CDH16: variants seen among roughly 807,000 people sequenced by gnomAD.
CDH16 encodes cadherin 16, also known as cadherin-16.
Under a neutral mutation model 87.6 loss-of-function variants are expected in CDH16, and 79 were observed. The observed-to-expected ratio is 0.90, with a 90% CI of 0.75 to 1.09. The LOEUF is 1.09. CDH16 is among the 50% of genes least tolerant of loss of function. The pLI, the probability that CDH16 is intolerant of heterozygous loss-of-function variation, is 0.00. For missense variants in CDH16, 1,124 were observed against 1,071.7 expected (o/e 1.05, Z -0.68); for synonymous variants, 457 against 439.5 (o/e 1.04, Z -0.50).
At chr16:66,913,653 A>G (rs1325112214) in intron 7 of CDH16, 40 bp from the exon 8 acceptor site, 12 of 1,606,988 alleles carry the variant, frequency 7.5e-6, no homozygotes, top group Non-Finnish European at 1.0e-5. Context: ...GGAACAATCC[A>G]TGTCAGCCTT....
intron 6 of CDH16, among the ~76,000 whole-genome samples, chr16:66,914,695 T>TTGGTTGGATGAATGGG (rs1467300171): frequency 3.3e-5 from 5 of 151,526 alleles, no homozygotes; most frequent in Non-Finnish European, 7.4e-5. Context: ...AGATGATGGG[T>TTGGTTGGATGAATGGG]TGGTTGGATG....
Position 66,908,349 on chromosome 16 carries a change from T to C in CDH16, c.*43A>G. 2.0e-6 allele frequency: 3 copies of C among 1,516,666 alleles called. No individual in the cohort carries two copies. The highest frequency in any genetic ancestry group is 2.7e-6 in the Non-Finnish European group (3 of 1,093,656). 94.0% of individuals were successfully genotyped at this position (1,516,666 alleles called of 1,614,324 possible). A position where few individuals can be genotyped will look rare whatever the true frequency, so the allele number is the denominator to read the frequency against. ...TGGGCTCTCTCCCAGGGGACTCAGA[T>C]GGAGCCAGAGGCCAAGCTCCCAGCT... On this transcript the variant is annotated 3_prime_UTR_variant, in exon 18 of 18. Coordinates refer to ENST00000299752, the MANE Select transcript of CDH16 (RefSeq NM_004062.4).
Position 66,914,290 on chromosome 16 carries a change from T to A in CDH16, c.706A>T (p.Ser236Cys). 6.2e-7 allele frequency: 1 copy of A among 1,614,156 alleles called. No individual in the cohort carries two copies. Among genetic ancestry groups the A allele is most frequent in the Non-Finnish European group, 8.5e-7 (1 of 1,180,028 alleles). The part of the protein sequence containing the change: ...TATVEVSIIE[S>C]TWVSLEPIHL... ...ATAGGCTCTAGGGACACCCAGGTGC[T>A]CTCTATGATGGAGACTTCCACGGTG... Residue 236 changes from serine to cysteine, a missense_variant, in exon 7 of 18, where the codon AGC (serine) becomes TGC (cysteine). Coordinates refer to ENST00000299752, the MANE Select transcript of CDH16 (RefSeq NM_004062.4).
chr16:66,908,680 A>T (rs1596968211), intron 17 of CDH16, among the ~76,000 whole-genome samples, 191 bp from the exon 18 acceptor site: 1 of 151,764 alleles, frequency 6.6e-6, no homozygotes, highest in Non-Finnish European at 1.5e-5. Context: ...CTTGGCCCCT[A>T]CCCCTCTGAG....
Position 66,918,061 on chromosome 16 carries a change from A to T in CDH16, c.5T>A (p.Val2Asp). M[V>D]PAWLWLLCVS... The stretch of plus-strand genomic sequence containing the variant: ...ACAAAGCAGCCACAGCCAGGCAGGG[A>T]CCATGGTCAGGACAGGCCTGAGGGA... The change falls in exon 2 of 18, where the codon GTC becomes GAC. Residue 2 changes from valine (V) to aspartate (D), a missense_variant. Val to Asp is a radical substitution (Grantham distance 152). Transcript: ENST00000299752. 1 of 1,583,826 alleles carries T rather than the reference A, an allele frequency of 6.3e-7. No individual in the cohort carries two copies. The highest frequency in any genetic ancestry group is 8.6e-7 in the Non-Finnish European group (1 of 1,164,724).
chr16:66,913,661 C>T (rs758696529), intron 7 of CDH16, 48 bp from the exon 8 acceptor site: 1 of 1,600,044 alleles, frequency 6.2e-7, no homozygotes, highest in East Asian at 2.2e-5. Flanking sequence ...CCATGTCAGC[C>T]TTTGCGCCCC....
intron 7 of CDH16, among the ~76,000 whole-genome samples, 186 bp downstream of exon 7, chr16:66,914,030 G>A (rs1455440739): frequency 6.6e-6 from 1 of 152,250 alleles, no homozygotes; most frequent in Non-Finnish European, 1.5e-5. Context: ...GGCAGAGCAG[G>A]CGAGGGGCTG....
In CDH16 at chr16:66,910,463, T is replaced by G; in HGVS notation, c.1964A>C (p.His655Pro). ...RLSASAPLVI[H>P]FLKAPPAPAL... ...TGGGGCAGGAGGGGCCTTTAGGAAG[T>G]GGATCACCAGGGGTGCAGAAGCGCT... Residue 655 changes from histidine to proline, a missense_variant, in exon 15 of 18, where the codon CAC (histidine) becomes CCC (proline). By Grantham distance (77) the His-to-Pro change is moderately conservative (BLOSUM62 -2). Coordinates refer to ENST00000299752, the MANE Select transcript of CDH16 (RefSeq NM_004062.4). 1 of 1,566,068 alleles carries G rather than the reference T, an allele frequency of 6.4e-7. No individual in the cohort carries two copies.
chr16:66,915,499 A>G, intron 5 of CDH16, 121 bp from the exon 6 acceptor site: 1 of 1,112,654 alleles, frequency 9.0e-7, no homozygotes, highest in South Asian at 1.7e-5. Flanking sequence ...GACTCCGGAG[A>G]TGAGCCACGG....
chr16:66,915,207 C>T lies in CDH16; in HGVS notation c.583+13G>A, dbSNP rs373758423. On this transcript the variant is annotated intron_variant, in intron 6 of 17. Coordinates refer to ENST00000299752, the MANE Select transcript of CDH16 (RefSeq NM_004062.4). Reference sequence around the variant, plus strand: ...CTGACCCTCCCTCCCCAGCACACCCCGCTCGGGCTTACCCTTGGGGCTGAG... The same window carrying T: ...CTGACCCTCCCTCCCCAGCACACCCTGCTCGGGCTTACCCTTGGGGCTGAG... The T allele has an allele frequency of 2.9e-5, 47 of 1,598,356 alleles. No homozygotes were observed. Among genetic ancestry groups the T allele is most frequent in the Middle Eastern group, 2.0e-4 (1 of 4,904 alleles).
chr16:66,910,345 A>G lies in CDH16; in HGVS notation c.2082T>C (p.Asp694=). 6.2e-7 allele frequency: 1 copy of G among 1,613,802 alleles called. No individual in the cohort carries two copies. The highest frequency in any genetic ancestry group is 1.3e-5 in the African/African-American group (1 of 75,022). ...LIVSGPSKDP[D]LASGHGPYSF... is the part of the protein sequence containing the mutation. ...TGTAGGGACCGTGCCCACTGGCCAG[A>G]TCGGGGTCCTTGCTGGGTCCACTCA... is the stretch of plus-strand genomic sequence containing the variant. The change falls in exon 15 of 18, where the codon GAT becomes GAC. Residue 694 remains aspartate, a synonymous_variant. Coordinates refer to ENST00000299752, the MANE Select transcript of CDH16 (RefSeq NM_004062.4).
At chr16:66,918,172 T>G in intron 1 of CDH16, 94 bp from the exon 2 acceptor site, 1 of 794,312 alleles carries the variant, frequency 1.3e-6, no homozygotes, top group Non-Finnish European at 1.9e-6. Flanking sequence ...TGCAGACTAG[T>G]CTTCTCTTCC....
chr16:66,914,607 C>T (rs528516319), intron 6 of CDH16, among the ~76,000 whole-genome samples, 195 bp from the exon 7 acceptor site: 1 of 152,346 alleles, frequency 6.6e-6, no homozygotes, highest in East Asian at 1.9e-4. Flanking sequence ...AAGCCACCTC[C>T]ATATCTCTCC....
rs1376275849 is a variant in CDH16, at chr16:66,909,044, G to A, written c.2392+223C>T. ...GTTGCTGGGAGGATTCCTGGCAATA[G>A]TCCCTGCCACACAGTCAATGTGCAA... On this transcript the variant is annotated intron_variant, in intron 17 of 17. Transcript: ENST00000299752. This position sits in a 1 kb window ranked among gnomAD's most constrained non-coding sequence, Gnocchi z 4.1. Among the ~76,000 whole-genome samples the A allele has an allele frequency of 6.6e-6, 1 of 152,182 alleles. No individual in the cohort carries two copies. Among genetic ancestry groups the A allele is most frequent in the Non-Finnish European group, 1.5e-5 (1 of 68,036 alleles).
rs1962292775 is a variant in CDH16 at position 66,909,183 on chromosome 16, T to C, written c.2392+84A>G. On this transcript the variant is annotated intron_variant, in intron 17 of 17. Transcript: ENST00000299752. The surrounding 1 kb of genome is among the most constrained non-coding windows in gnomAD (Gnocchi z 4.1). ...TCCTTTTTCAGAGCTAGGGGCACCA[T>C]GGGGACAAAGGTGTTTATTTGGAGG... is the stretch of plus-strand genomic sequence containing the variant. 1.2e-6 allele frequency: 1 copy of C among 869,112 alleles called. No individual in the cohort carries two copies. The allele number at this position is 869,112 out of a possible 1,614,324, so 53.8% of individuals were successfully genotyped here.
chr16:66,917,552 A>G, intron 3 of CDH16, 90 bp downstream of exon 3: 2 of 894,710 alleles, frequency 2.2e-6, no homozygotes, highest in Non-Finnish European at 3.7e-6. Context: ...TTTCAAAGAG[A>G]AACAGCAAGA....
At position 66,912,093 on chromosome 16, in the gene CDH16, C is replaced by T. The variant is rs779574334; in HGVS notation, c.1596G>A (p.Val532=). ...GCCCCACCAGCTTCGCCACACTCTG[C>T]ACCACCACCACCACCTCATGACTTG... ...AAPSHEVVVV[V]QSVAKLVGPG... Residue 532 remains valine, a synonymous_variant, in exon 13 of 18, where the codon GTG becomes GTA. Transcript: ENST00000299752. The T allele has an allele frequency of 6.2e-7, 1 of 1,613,278 alleles. No homozygotes were observed. The highest frequency in any genetic ancestry group is 2.2e-5 in the East Asian group (1 of 44,878).
rs1291488431 is a variant in CDH16, at chr16:66,918,071, G to A, written c.-6C>T. 3.8e-6 allele frequency: 6 copies of A among 1,578,822 alleles called. No individual in the cohort carries two copies. Among genetic ancestry groups the A allele is most frequent in the Non-Finnish European group, 1.7e-6 (2 of 1,162,156 alleles). Reference sequence around the variant, plus strand: ...CACAGCCAGGCAGGGACCATGGTCAGGACAGGCCTGAGGGACACGGCAGTG... The same window carrying A: ...CACAGCCAGGCAGGGACCATGGTCAAGACAGGCCTGAGGGACACGGCAGTG... On this transcript the variant is annotated 5_prime_UTR_variant, in exon 2 of 18. Coordinates refer to ENST00000299752, the MANE Select transcript of CDH16 (RefSeq NM_004062.4).
At chr16:66,914,815 C>T (rs563548159) in intron 6 of CDH16, among the ~76,000 whole-genome samples, 78 of 152,114 alleles carry the variant, frequency 5.1e-4, no homozygotes, top group African/African-American at 1.7e-3. Flanking sequence ...GGGCGGTAGA[C>T]GGGTGAATGC....
Sources: allele counts gnomAD v4.1 joint callset (sites outside exome capture counted in the v4.1 genomes callset), GRCh38; gene constraint gnomAD v4.1.1; non-coding constraint Gnocchi (gnomAD v3.1); transcripts MANE v1.5; gene names NCBI Gene and HGNC (gene_info 2026-07-23, HGNC 2026-07-21).